The following TNFAIP8L3 variants were observed in gnomAD, a reference collection of about 807,000 sequenced individuals.
TNFAIP8L3 encodes TNF alpha induced protein 8 like 3.
A neutral mutation model predicts 11.8 loss-of-function variants in TNFAIP8L3; 7 were observed. The ratio of observed to expected loss-of-function variants is 0.59; its 90% CI spans 0.34 to 1.11. The LOEUF (loss-of-function observed/expected upper bound fraction) is 1.11. Among genes scored for constraint, TNFAIP8L3 ranks in the 50% most tolerant of loss-of-function variants. TNFAIP8L3 has a pLI of 0.03. For synonymous variants in TNFAIP8L3, 98 were observed against 103.8 expected (o/e 0.94, Z 0.34); for missense variants, 219 against 258.6 (o/e 0.85, Z 1.05).
upstream of TNFAIP8L3, among the ~76,000 whole-genome samples, chr15:51,099,437 T>G: frequency 6.6e-6 from 1 of 151,358 alleles, no homozygotes. Flanking sequence ...GAGAGGGAAA[T>G]TGAGAAGGAG....
intron 1 of TNFAIP8L3, among the ~76,000 whole-genome samples, chr15:51,101,408 G>C (rs533072044): frequency 6.6e-6 from 1 of 152,078 alleles, no homozygotes; most frequent in African/African-American, 2.4e-5. Context: ...GATCACCTGA[G>C]GTCAAGAGTT....
At chr15:51,104,774 C>T (rs2065578015) in intron 1 of TNFAIP8L3, among the ~76,000 whole-genome samples, 1 of 152,212 alleles carries the variant, frequency 6.6e-6, no homozygotes, top group Non-Finnish European at 1.5e-5. Flanking sequence ...AGCTTTGCCT[C>T]TAAGTGAATC....
intron 1 of TNFAIP8L3, among the ~76,000 whole-genome samples, chr15:51,074,132 T>G (rs1217964492): frequency 1.3e-5 from 2 of 152,240 alleles, no homozygotes; most frequent in Non-Finnish European, 2.9e-5. Context: ...GTACTATCTT[T>G]GTCAAATTTT....
At chr15:51,103,548 A>G (rs1182699615) in intron 1 of TNFAIP8L3, among the ~76,000 whole-genome samples, 1 of 152,214 alleles carries the variant, frequency 6.6e-6, no homozygotes, top group Non-Finnish European at 1.5e-5. Flanking sequence ...GGTTAGATTT[A>G]TTGAAGCTCT....
intron 1 of TNFAIP8L3, 80 bp from the exon 2 acceptor site, chr15:51,058,523 C>G (rs1427194435): frequency 6.3e-6 from 8 of 1,265,658 alleles, no homozygotes; most frequent in Non-Finnish European, 8.4e-6. Flanking sequence ...AACACACTAA[C>G]TTGAACTTAT....
At chr15:51,071,322 T>C (rs1412159929) in intron 1 of TNFAIP8L3, among the ~76,000 whole-genome samples, 2 of 152,172 alleles carry the variant, frequency 1.3e-5, no homozygotes, top group African/African-American at 2.4e-5. Context: ...CTTAATAGTT[T>C]ACCCTCAAAG....
Position 51,057,654 on chromosome 15 carries a change from T to G in TNFAIP8L3, c.*227A>C, listed in dbSNP as rs1005010828. On this transcript the variant is annotated 3_prime_UTR_variant, in exon 2 of 2. Transcript: ENST00000637513. ...CTTTCTGCTTAGAATAGATGAAATG[T>G]CCTTTGGGCTTGCACACAGGTGATT... The G allele has an allele frequency of 6.0e-6, 3 of 498,036 alleles. No individual in the cohort carries two copies. The highest frequency in any genetic ancestry group is 3.8e-5 in the African/African-American group (2 of 52,136). The allele number at this position is 498,036 out of a possible 1,614,324, so 30.9% of individuals were successfully genotyped here.
At chr15:51,073,975 T>G (rs1401040940) in intron 1 of TNFAIP8L3, among the ~76,000 whole-genome samples, 2 of 152,222 alleles carry the variant, frequency 1.3e-5, no homozygotes, top group African/African-American at 4.8e-5. Flanking sequence ...TTCAAAGACT[T>G]TTTGATTTAA....
upstream of TNFAIP8L3, among the ~76,000 whole-genome samples, chr15:51,098,114 A>G (rs1283836016): frequency 6.6e-6 from 1 of 152,204 alleles, no homozygotes; most frequent in African/African-American, 2.4e-5. Flanking sequence ...TCTGGTGGGT[A>G]AAGCGTATCT....
intron 1 of TNFAIP8L3, among the ~76,000 whole-genome samples, chr15:51,063,873 C>T (rs72744356): frequency 3.1e-4 from 47 of 152,286 alleles, no homozygotes; most frequent in Middle Eastern, 6.8e-3. Context: ...ACAGCTATGA[C>T]GTTAGGAAGT....
intron 1 of TNFAIP8L3, among the ~76,000 whole-genome samples, chr15:51,102,346 T>C (rs899713485): frequency 6.6e-6 from 1 of 152,240 alleles, no homozygotes; most frequent in Non-Finnish European, 1.5e-5. Flanking sequence ...CTAAATTTGT[T>C]TTTTTCTTTT....
chr15:51,078,075 A>C (rs1245862883), intron 1 of TNFAIP8L3, among the ~76,000 whole-genome samples: 1 of 152,108 alleles, frequency 6.6e-6, no homozygotes, highest in African/African-American at 2.4e-5. Flanking sequence ...AATAATATAC[A>C]TTTAAACCTC....
At chr15:51,080,204 C>A (rs1667660334) in intron 1 of TNFAIP8L3, among the ~76,000 whole-genome samples, 1 of 152,184 alleles carries the variant, frequency 6.6e-6, no homozygotes, top group Admixed American at 6.5e-5. Flanking sequence ...ATTTAGCTAT[C>A]ATTCATAGCC....
At chr15:51,079,815 C>T (rs2065378606) in intron 1 of TNFAIP8L3, among the ~76,000 whole-genome samples, 1 of 139,936 alleles carries the variant, frequency 7.1e-6, no homozygotes, top group South Asian at 2.3e-4. Context: ...TGCCACTGCA[C>T]TCTGCACTCC....
chr15:51,072,861 C>T (rs1016470759), intron 1 of TNFAIP8L3, among the ~76,000 whole-genome samples: 23 of 152,052 alleles, frequency 1.5e-4, no homozygotes, highest in Non-Finnish European at 2.5e-4. Flanking sequence ...AAGTGCCCCT[C>T]CTCACCCTCA....
intron 1 of TNFAIP8L3, among the ~76,000 whole-genome samples, chr15:51,068,361 A>G (rs2065285217): frequency 6.6e-6 from 1 of 152,126 alleles, no homozygotes; most frequent in African/African-American, 2.4e-5. Flanking sequence ...GGGTGGAGAT[A>G]GTGACACCAG....
intron 1 of TNFAIP8L3, among the ~76,000 whole-genome samples, chr15:51,078,363 G>A (rs1308490315): frequency 6.6e-6 from 1 of 152,076 alleles, no homozygotes; most frequent in East Asian, 1.9e-4. Flanking sequence ...ATCCTGGAAC[G>A]CTGAGGGCAC....
chr15:51,095,761 A>T (rs565879576), upstream of TNFAIP8L3, among the ~76,000 whole-genome samples: 1 of 152,134 alleles, frequency 6.6e-6, no homozygotes, highest in African/African-American at 2.4e-5. Flanking sequence ...TTGGTTATCT[A>T]TATGCTCTTA....
chr15:51,080,387 C>T (rs2065382572), intron 1 of TNFAIP8L3, among the ~76,000 whole-genome samples: 1 of 152,110 alleles, frequency 6.6e-6, no homozygotes, highest in South Asian at 2.1e-4. Context: ...TAGGTTCAAA[C>T]ACATCAACTA....
Sources: gnomAD v4.1 joint callset for allele counts (sites outside exome capture counted in the v4.1 genomes callset) on GRCh38, gnomAD v4.1.1 for gene constraint, MANE v1.5 for transcripts, NCBI Gene and HGNC (gene_info 2026-07-23, HGNC 2026-07-21) for gene names.